CSF1R: variants seen among roughly 807,000 people sequenced by gnomAD.
CSF1R encodes colony stimulating factor 1 receptor, also known as macrophage colony-stimulating factor 1 receptor.
CSF1R carries 40 observed loss-of-function variants against 110.0 expected under a neutral mutation model. The ratio of observed to expected loss-of-function variants is 0.36; its 90% CI spans 0.28 to 0.47. The LOEUF (loss-of-function observed/expected upper bound fraction) is 0.47. CSF1R is among the 20% of genes least tolerant of loss of function. The pLI, the probability that CSF1R is intolerant of heterozygous loss-of-function variation, is 0.99. For synonymous variants in CSF1R, 523 were observed against 503.4 expected (o/e 1.04, Z -0.52); for missense variants, 1,052 against 1,253.0 (o/e 0.84, Z 2.42).
intron 1 of CSF1R, among the ~76,000 whole-genome samples, chr5:150,083,349 AACACACACACACACACAC>A (rs59055324): frequency 5.4e-4 from 57 of 106,384 alleles, no homozygotes; most frequent in East Asian, 4.2e-3. Flanking sequence ...CTTCTCTCCC[AACACACACACACACACAC>A]ACACACACAC....
intron 13 of CSF1R, 22 bp from the exon 14 acceptor site, chr5:150,059,884 G>A (rs2113787882): frequency 1.3e-6 from 2 of 1,593,372 alleles, no homozygotes; most frequent in Non-Finnish European, 1.7e-6. Flanking sequence ...AAGGGTGTGG[G>A]GTGAGGGAGG....
In CSF1R at chr5:150,086,454, G is replaced by A. The variant is rs1561949585; in HGVS notation, c.-27C>T. 6.2e-7 allele frequency: 1 copy of A among 1,600,576 alleles called. No individual in the cohort carries two copies. The highest frequency in any genetic ancestry group is 8.5e-7 in the Non-Finnish European group (1 of 1,173,806). On this transcript the variant is annotated 5_prime_UTR_variant, in exon 1 of 21. Coordinates refer to ENST00000675795, the MANE Select transcript of CSF1R (RefSeq NM_001288705.3). Reference sequence around the variant, plus strand: ...GCCTCGGTGGGGAAGTGGCAGGCAGGTGCAGGGCTGCAAGGTGCCCAGGGC... The same window carrying A: ...GCCTCGGTGGGGAAGTGGCAGGCAGATGCAGGGCTGCAAGGTGCCCAGGGC...
intron 1 of CSF1R, among the ~76,000 whole-genome samples, chr5:150,091,756 T>C (rs1402785409): frequency 3.3e-5 from 5 of 151,742 alleles, no homozygotes; most frequent in African/African-American, 1.2e-4. Flanking sequence ...TTTAATTTTA[T>C]GTTATGTGAA....
At chr5:150,095,112 G>GC (rs368651255) in intron 1 of CSF1R, 1 of 295,810 alleles carries the variant, frequency 3.4e-6, no homozygotes, top group Non-Finnish European at 5.9e-6. Flanking sequence ...TCTCAAATTG[G>GC]AAAAAAAAAA....
In CSF1R at chr5:150,053,539, G is replaced by C. The variant is rs1046339426; in HGVS notation, c.*530C>G. 1 of 236,006 alleles carries C rather than the reference G, an allele frequency of 4.2e-6. No homozygotes were observed. The highest frequency in any genetic ancestry group is 5.5e-5 in the Admixed American group (1 of 18,132). 14.6% of individuals were successfully genotyped at this position (236,006 alleles called of 1,614,324 possible). A position where few individuals can be genotyped will look rare whatever the true frequency, so the allele number is the denominator to read the frequency against. ...GGGGTGAGGCTGTGGAGTGAAGGCG[G>C]CGTATAGGGCAGAGACTAAGAGGTC... On this transcript the variant is annotated 3_prime_UTR_variant, in exon 21 of 21. Transcript: ENST00000675795.
intron 12 of CSF1R, 52 bp downstream of exon 12, chr5:150,061,437 ACC>A: frequency 3.5e-6 from 1 of 285,844 alleles, no homozygotes; most frequent in African/African-American, 3.6e-5. Context: ...GGGCCAGCCC[ACC>A]CCCAGCATCT....
chr5:150,053,911 C>G lies in CSF1R; in HGVS notation c.*158G>C. 2 of 741,054 alleles carry G rather than the reference C, an allele frequency of 2.7e-6. No individual in the cohort carries two copies. Among genetic ancestry groups the G allele is most frequent in the Non-Finnish European group, 4.5e-6 (2 of 447,486 alleles). The allele number at this position is 741,054 out of a possible 1,614,324, so 45.9% of individuals were successfully genotyped here. A position where few individuals can be genotyped will look rare whatever the true frequency, so the allele number is the denominator to read the frequency against. On this transcript the variant is annotated 3_prime_UTR_variant, in exon 21 of 21. Transcript: ENST00000675795. ...TGCTCAGGAAGTGGGATCCTCTGAC[C>G]TCCCCTGAATCCCTCACCTTCCCAA...
chr5:150,053,325 G>A lies in CSF1R; in HGVS notation c.*744C>T. 4.3e-6 allele frequency: 1 copy of A among 233,650 alleles called. No individual in the cohort carries two copies. The allele number at this position is 233,650 out of a possible 1,614,324, so 14.5% of individuals were successfully genotyped here. A position where few individuals can be genotyped will look rare whatever the true frequency, so the allele number is the denominator to read the frequency against. ...TAATGCTGTTAGTTTAATGTGGACA[G>A]AGACATCCCACGGCGTGACTGTTAG... On this transcript the variant is annotated 3_prime_UTR_variant, in exon 21 of 21. Transcript: ENST00000675795.
intron 9 of CSF1R, among the ~76,000 whole-genome samples, chr5:150,069,129 C>T (rs567084564): frequency 4.6e-5 from 7 of 152,332 alleles, no homozygotes; most frequent in African/African-American, 1.7e-4. Flanking sequence ...GCCGCAGGCT[C>T]CTGCTTGCAG....
At chr5:150,064,953 C>T (rs1303184303) in intron 10 of CSF1R, among the ~76,000 whole-genome samples, 1 of 152,216 alleles carries the variant, frequency 6.6e-6, no homozygotes, top group East Asian at 1.9e-4. Flanking sequence ...TTCCAAAGAA[C>T]TATGAGTGAG....
intron 1 of CSF1R, among the ~76,000 whole-genome samples, chr5:150,093,296 C>T (rs1476611289): frequency 1.3e-5 from 2 of 152,272 alleles, no homozygotes; most frequent in African/African-American, 2.4e-5. Context: ...CTAAGCTGGT[C>T]TCGAATTCCT....
At chr5:150,101,122 G>C (rs1759390629) in intron 1 of CSF1R, among the ~76,000 whole-genome samples, 1 of 152,026 alleles carries the variant, frequency 6.6e-6, no homozygotes, top group Non-Finnish European at 1.5e-5. Context: ...ATCTGGGCTT[G>C]GTCGTGCAGG....
intron 1 of CSF1R, among the ~76,000 whole-genome samples, chr5:150,083,904 C>CA (rs1462951850): frequency 1.3e-5 from 2 of 152,306 alleles, no homozygotes; most frequent in African/African-American, 4.8e-5. Flanking sequence ...ACAACCTCCC[C>CA]TTTTCCCCTC....
At chr5:150,058,229 A>T in intron 14 of CSF1R, 1 of 456,246 alleles carries the variant, frequency 2.2e-6, no homozygotes, top group Non-Finnish European at 4.4e-6. Flanking sequence ...GCCTGGGTGG[A>T]TGGGCCTGAG....
At chr5:150,109,643 G>A (rs543736127) in intron 1 of CSF1R, among the ~76,000 whole-genome samples, 3 of 152,238 alleles carry the variant, frequency 2.0e-5, no homozygotes, top group Admixed American at 2.0e-4. Context: ...ATTAAATAAC[G>A]TTGTTTCTGT....
At position 150,086,471 on chromosome 5, in the gene CSF1R, G is replaced by A. The variant is rs368383472; in HGVS notation, c.-44C>T. On this transcript the variant is annotated 5_prime_UTR_variant, in exon 1 of 21. Transcript: ENST00000675795. ...GCAGGCAGGTGCAGGGCTGCAAGGTGCCCAGGGCACAGAGCTCTCAGCTAC... is the reference window on the plus strand; with the variant it reads ...GCAGGCAGGTGCAGGGCTGCAAGGTACCCAGGGCACAGAGCTCTCAGCTAC... The A allele has an allele frequency of 1.3e-5, 21 of 1,585,934 alleles. No homozygotes were observed. The East Asian group carries it at 4.5e-4, about 34-fold the overall frequency.
rs1757204412 is a variant in CSF1R, at chr5:150,056,134, G to A, written c.2446C>T (p.Arg816Cys). Residue 816 changes from arginine to cysteine, a missense_variant, in exon 18 of 21, where the codon CGC (arginine) becomes TGC (cysteine). Physicochemically the swap from Arg to Cys is radical, Grantham distance 180. Around this residue, in one of 5 missense-constraint regions of CSF1R, gnomAD observed 74 missense variants for 187.4 expected, o/e 0.39. Transcript: ENST00000675795. ...DSNYIVKGNA[R>C]LPVKWMAPES... is the part of the protein sequence containing the mutation. ...GGGGCCATCCACTTCACAGGCAGGC[G>A]GGCCTGGGATGACAGTCCCCAGTTA... 3.1e-6 allele frequency: 5 copies of A among 1,614,210 alleles called. No individual in the cohort carries two copies. The highest frequency in any genetic ancestry group is 3.4e-6 in the Non-Finnish European group (4 of 1,180,034).
chr5:150,068,829 T>C (rs2113805758), intron 9 of CSF1R, among the ~76,000 whole-genome samples: 1 of 152,236 alleles, frequency 6.6e-6, no homozygotes, highest in Non-Finnish European at 1.5e-5. Context: ...GGCCCCTGAG[T>C]CTCCTCTTCC....
intron 10 of CSF1R, among the ~76,000 whole-genome samples, chr5:150,065,008 C>T (rs1259468820): frequency 2.6e-5 from 4 of 152,180 alleles, no homozygotes; most frequent in South Asian, 2.1e-4. Context: ...GAAGGGTGGA[C>T]GTAATTGTCA....
Sources: allele counts gnomAD v4.1 joint callset (sites outside exome capture counted in the v4.1 genomes callset), GRCh38; gene constraint gnomAD v4.1.1; regional missense constraint gnomAD v4.1.1; transcripts MANE v1.5; gene names NCBI Gene and HGNC (gene_info 2026-07-23, HGNC 2026-07-21).